POFUT3: variants seen among roughly 807,000 people sequenced by gnomAD.
The protein encoded by POFUT3 is GDP-fucose protein O-fucosyltransferase 3.
chr8:33,341,417 A>T, the POFUT3 span, among the ~76,000 whole-genome samples: 1 of 150,054 alleles, frequency 6.7e-6, no homozygotes, highest in African/African-American at 2.5e-5. Flanking sequence ...CCTGGACAAC[A>T]GAGTGAGACT....
chr8:33,400,178 G>A, the POFUT3 span, among the ~76,000 whole-genome samples: 27 of 148,964 alleles, frequency 1.8e-4, no homozygotes, highest in African/African-American at 4.7e-4. Flanking sequence ...GGGGCCAGGC[G>A]TGGTGGCTCA....
the POFUT3 span, among the ~76,000 whole-genome samples, chr8:33,308,831 CG>C: frequency 2.0e-5 from 3 of 151,958 alleles, no homozygotes; most frequent in African/African-American, 7.3e-5. Flanking sequence ...CAGACTCCAC[CG>C]AAGCTTCATG....
the POFUT3 span, among the ~76,000 whole-genome samples, chr8:33,425,420 C>T: frequency 6.6e-6 from 1 of 151,992 alleles, no homozygotes; most frequent in Non-Finnish European, 1.5e-5. Flanking sequence ...TCAAAGAAGT[C>T]TTCTTGGAAG....
the POFUT3 span, among the ~76,000 whole-genome samples, chr8:33,366,259 G>A: frequency 1.3e-5 from 2 of 152,160 alleles, no homozygotes; most frequent in Non-Finnish European, 2.9e-5. Flanking sequence ...GCCTGTCGGG[G>A]ATGGGAGGCT....
At chr8:33,388,329 CT>C in the POFUT3 span, among the ~76,000 whole-genome samples, 3,190 of 83,890 alleles carry the variant, frequency 0.038, 36 homozygotes, top group African/African-American at 0.11. Context: ...AAGCAGAACT[CT>C]TTTTTTTTTT....
At chr8:33,331,913 G>A in the POFUT3 span, among the ~76,000 whole-genome samples, 2 of 31,340 alleles carry the variant, frequency 6.4e-5, no homozygotes, top group Non-Finnish European at 1.1e-4. Flanking sequence ...TCCTGACCTC[G>A]TGATCCACCC....
the POFUT3 span, among the ~76,000 whole-genome samples, chr8:33,392,278 G>A: frequency 0.045 from 6,843 of 152,212 alleles, 506 homozygotes; most frequent in African/African-American, 0.15. Context: ...GGAGAAGATT[G>A]AAAATAGGTC....
the POFUT3 span, chr8:33,372,205 CAATAA>C: frequency 1.9e-5 from 19 of 1,003,166 alleles, no homozygotes; most frequent in South Asian, 4.5e-5. Context: ...TGCCAAATAC[CAATAA>C]GCTGTTGAGA....
the POFUT3 span, among the ~76,000 whole-genome samples, chr8:33,440,852 C>T: frequency 6.6e-6 from 1 of 152,028 alleles, no homozygotes; most frequent in Non-Finnish European, 1.5e-5. Context: ...GGAGTTCCAA[C>T]ATATGCAAAA....
chr8:33,396,285 T>C, the POFUT3 span, among the ~76,000 whole-genome samples: 2 of 152,220 alleles, frequency 1.3e-5, no homozygotes, highest in Non-Finnish European at 2.9e-5. Flanking sequence ...CTTCTCTTTC[T>C]GTATTTTGCT....
the POFUT3 span, among the ~76,000 whole-genome samples, chr8:33,457,542 A>G: frequency 2.0e-5 from 3 of 152,096 alleles, no homozygotes; most frequent in Non-Finnish European, 2.9e-5. Context: ...TTTTGAGACA[A>G]CTGGGAAAAA....
At chr8:33,455,407 C>T in the POFUT3 span, among the ~76,000 whole-genome samples, 1 of 152,004 alleles carries the variant, frequency 6.6e-6, no homozygotes, top group Non-Finnish European at 1.5e-5. Flanking sequence ...ACCTATAGTC[C>T]CAGCTACTCA....
At chr8:33,428,612 C>A in the POFUT3 span, among the ~76,000 whole-genome samples, 1 of 151,944 alleles carries the variant, frequency 6.6e-6, no homozygotes, top group Admixed American at 6.6e-5. Flanking sequence ...ATGGTTTGAA[C>A]GTGTCTCCCA....
chr8:33,441,466 T>C, the POFUT3 span, among the ~76,000 whole-genome samples: 1 of 147,064 alleles, frequency 6.8e-6, no homozygotes. Flanking sequence ...CTGTAACCTC[T>C]GCCTCCCAGG....
chr8:33,461,644 G>C, the POFUT3 span: 1 of 1,524,780 alleles, frequency 6.6e-7, no homozygotes, highest in Non-Finnish European at 8.8e-7. Context: ...GCTTGGCATC[G>C]AGAGGAAGCA....
At chr8:33,473,030 C>G in the POFUT3 span, 4 of 152,418 alleles carry the variant, frequency 2.6e-5, no homozygotes, top group Admixed American at 2.6e-4. Context: ...CAAGAGACCA[C>G]AGAGGCCAGA....
At chr8:33,309,185 T>TATGGGG in the POFUT3 span, among the ~76,000 whole-genome samples, 9 of 112,074 alleles carry the variant, frequency 8.0e-5, no homozygotes, top group African/African-American at 3.5e-4. Flanking sequence ...TATATATATA[T>TATGGGG]ATATATATAT....
chr8:33,443,223 T>C, the POFUT3 span, among the ~76,000 whole-genome samples: 1 of 152,230 alleles, frequency 6.6e-6, no homozygotes, highest in Admixed American at 6.6e-5. Context: ...ATAATTTTAT[T>C]ACCACCTTTC....
At chr8:33,326,252 G>C in the POFUT3 span, among the ~76,000 whole-genome samples, 1 of 152,140 alleles carries the variant, frequency 6.6e-6, no homozygotes, top group African/African-American at 2.4e-5. Flanking sequence ...GAACATGTGA[G>C]AGTCTGGGAC....
Sources: gnomAD v4.1 joint callset for allele counts (sites outside exome capture counted in the v4.1 genomes callset) on GRCh38, gnomAD v4.1.1 for gene constraint, MANE v1.5 for transcripts, NCBI Gene and HGNC (gene_info 2026-07-23, HGNC 2026-07-21) for gene names.